The following DNAAF4 variants were observed in gnomAD, a reference collection of about 807,000 sequenced individuals.
DNAAF4 encodes the protein dynein axonemal assembly factor 4.
In DNAAF4, 43 loss-of-function variants were observed where a neutral mutation model predicts 51.8. That is an observed-to-expected ratio of 0.83 (90% CI 0.65 to 1.07). The LOEUF (loss-of-function observed/expected upper bound fraction) is 1.07. Ranked by LOEUF, DNAAF4 falls within the 50% of genes least tolerant of loss-of-function variation. The probability of loss-of-function intolerance (pLI) is 0.00; values close to 1 mark genes in which losing one functional copy is unlikely to be tolerated. For synonymous variants in DNAAF4, 194 were observed against 165.6 expected (o/e 1.17, Z -1.32); for missense variants, 581 against 493.0 (o/e 1.18, Z -1.69).
At chr15:55,439,717 C>T (rs1295979738) in intron 6 of DNAAF4, 136 bp from the exon 7 acceptor site, 5 of 713,026 alleles carry the variant, frequency 7.0e-6, no homozygotes, top group Non-Finnish European at 2.2e-6. Flanking sequence ...TTCTCCACCT[C>T]TCCTCCAAAT....
chr15:55,483,423 G>A (rs1161018862), intron 4 of DNAAF4, among the ~76,000 whole-genome samples: 2 of 151,778 alleles, frequency 1.3e-5, no homozygotes, highest in East Asian at 1.9e-4. Context: ...GTTATGAAAT[G>A]TTCCAGAATT....
intron 1 of DNAAF4, among the ~76,000 whole-genome samples, chr15:55,504,721 T>A (rs2058717579): frequency 6.6e-6 from 1 of 152,188 alleles, no homozygotes; most frequent in Non-Finnish European, 1.5e-5. Context: ...TAGCCATATG[T>A]AGAAAGCTGA....
intron 6 of DNAAF4, chr15:55,442,947 G>A: frequency 1.9e-6 from 3 of 1,611,316 alleles, no homozygotes; most frequent in South Asian, 1.1e-5. Context: ...CTTGAAATAA[G>A]CAAACCATCC....
intron 4 of DNAAF4, among the ~76,000 whole-genome samples, chr15:55,482,881 T>C (rs1314329124): frequency 6.6e-6 from 1 of 152,154 alleles, no homozygotes; most frequent in East Asian, 1.9e-4. Context: ...TTATACATGC[T>C]ACAATATGTA....
intron 4 of DNAAF4, among the ~76,000 whole-genome samples, chr15:55,487,828 A>C (rs1007207383): frequency 6.6e-6 from 1 of 152,194 alleles, no homozygotes; most frequent in African/African-American, 2.4e-5. Flanking sequence ...CCTTATTTTC[A>C]TATACCTATC....
chr15:55,420,335 G>T (rs184759504), intron 7 of DNAAF4, among the ~76,000 whole-genome samples: 1,513 of 143,964 alleles, frequency 0.011, 13 homozygotes, highest in Non-Finnish European at 0.014. Context: ...TAAAATCTTT[G>T]ATTCTACTAC....
At chr15:55,486,503 T>G (rs988149736) in intron 4 of DNAAF4, among the ~76,000 whole-genome samples, 1 of 152,156 alleles carries the variant, frequency 6.6e-6, no homozygotes, top group Non-Finnish European at 1.5e-5. Flanking sequence ...TGACCCTGCT[T>G]CTTTACCAAG....
chr15:55,478,460 A>G (rs143181451), intron 4 of DNAAF4, among the ~76,000 whole-genome samples: 4 of 152,284 alleles, frequency 2.6e-5, no homozygotes, highest in African/African-American at 9.6e-5. Context: ...AAACAGGTCA[A>G]CCTGCTAGCA....
chr15:55,435,103 C>T, intron 7 of DNAAF4, 45 bp from the exon 8 acceptor site: 1 of 1,536,732 alleles, frequency 6.5e-7, no homozygotes, highest in Non-Finnish European at 8.8e-7. Flanking sequence ...AACATTGAAA[C>T]AGAAACACAG....
intron 4 of DNAAF4, among the ~76,000 whole-genome samples, chr15:55,469,733 G>A (rs181953893): frequency 1.6e-3 from 235 of 151,414 alleles, no homozygotes; most frequent in East Asian, 6.7e-3. Context: ...CTCGTGATCC[G>A]CCCACCTTGA....
In DNAAF4 at chr15:55,448,554, GTGTGTA is replaced by G. The variant is rs1418278664; in HGVS notation, c.783+1662_783+1667del. Among the ~76,000 whole-genome samples the G allele has an allele frequency of 4.1e-5, 4 of 96,636 alleles. 1 individual carries two copies. Among genetic ancestry groups the G allele is most frequent in the South Asian group, 3.5e-4 (1 of 2,892 alleles). The allele number at this position is 96,636 out of a possible 152,430, so 63.4% of individuals were successfully genotyped here. On this transcript the variant is annotated intron_variant, in intron 6 of 9. Transcript: ENST00000321149. ...TGTGTGTGTGTGTGTGTGTGTGTGT[GTGTGTA>G]TAAACACAATTCAAAAATAATTCTA... is the stretch of plus-strand genomic sequence containing the variant.
intron 5 of DNAAF4, among the ~76,000 whole-genome samples, chr15:55,464,617 A>T (rs994919734): frequency 1.3e-5 from 2 of 152,202 alleles, no homozygotes; most frequent in African/African-American, 4.8e-5. Context: ...GAACAAAACA[A>T]ACAATCCCAT....
intron 4 of DNAAF4, among the ~76,000 whole-genome samples, chr15:55,483,242 G>A (rs1177240102): frequency 1.3e-5 from 2 of 151,880 alleles, no homozygotes; most frequent in African/African-American, 4.8e-5. Context: ...GACTACAGAT[G>A]CACACCACCA....
At chr15:55,501,376 CTT>C (rs1192104530) in intron 1 of DNAAF4, among the ~76,000 whole-genome samples, 85 of 104,468 alleles carry the variant, frequency 8.1e-4, no homozygotes, top group African/African-American at 2.3e-3. Flanking sequence ...TTCTTTCTTT[CTT>C]TTTTTTTTTT....
chr15:55,475,444 C>T (rs2058323186), intron 4 of DNAAF4, among the ~76,000 whole-genome samples: 1 of 152,160 alleles, frequency 6.6e-6, no homozygotes, highest in Admixed American at 6.6e-5. Context: ...GCTCCTAAAA[C>T]CCCCTCCCAG....
chr15:55,490,233 T>C (rs919019971), intron 4 of DNAAF4, among the ~76,000 whole-genome samples: 2 of 151,308 alleles, frequency 1.3e-5, no homozygotes, highest in Non-Finnish European at 3.0e-5. Context: ...AGACAGAAAA[T>C]AGATAAGCAG....
rs527432005 is a variant in DNAAF4, at chr15:55,447,337, G to A, written c.783+2885C>T. On this transcript the variant is annotated intron_variant, in intron 6 of 9. Coordinates refer to ENST00000321149, the MANE Select transcript of DNAAF4 (RefSeq NM_130810.4). Reference sequence around the variant, plus strand: ...ACTCCTCACATCCCAGACGATGGGCGGCCAGGCAGAAATGTTCCTCACTTC... The same window carrying A: ...ACTCCTCACATCCCAGACGATGGGCAGCCAGGCAGAAATGTTCCTCACTTC... Among the ~76,000 whole-genome samples, 11 of 152,090 alleles carry A rather than the reference G, an allele frequency of 7.2e-5. No homozygotes were observed. In the East Asian group the frequency reaches 1.4e-3, roughly 19 times the overall value.
Position 55,498,351 on chromosome 15 carries a change from T to A in DNAAF4, c.-22A>T. 6.3e-7 allele frequency: 1 copy of A among 1,593,624 alleles called. No homozygotes were observed. The highest frequency in any genetic ancestry group is 1.3e-5 in the African/African-American group (1 of 74,134). On this transcript the variant is annotated 5_prime_UTR_variant, in exon 2 of 10. Coordinates refer to ENST00000321149, the MANE Select transcript of DNAAF4 (RefSeq NM_130810.4). ...GCATTCCGGTAGCAACGGGAGCGGA[T>A]AGCGCGGCTGGTTGCTTCTTGCGCC...
At chr15:55,493,914 G>A (rs1200535763) in intron 3 of DNAAF4, among the ~76,000 whole-genome samples, 2 of 151,554 alleles carry the variant, frequency 1.3e-5, no homozygotes, top group African/African-American at 4.9e-5. Context: ...ATGTTGCCCA[G>A]GCTGGTCTTG....
Sources: gnomAD v4.1 joint callset for allele counts (sites outside exome capture counted in the v4.1 genomes callset) on GRCh38, gnomAD v4.1.1 for gene constraint, MANE v1.5 for transcripts, NCBI Gene and HGNC (gene_info 2026-07-23, HGNC 2026-07-21) for gene names.